LAMA2: variants seen among roughly 807,000 people sequenced by gnomAD.
LAMA2 encodes the protein laminin subunit alpha 2, also known as laminin subunit alpha-2.
A neutral mutation model predicts 364.8 loss-of-function variants in LAMA2; 269 were observed. The observed-to-expected ratio is 0.74, with a 90% CI of 0.67 to 0.82. LAMA2 has a LOEUF of 0.82. LAMA2 is among the 40% of genes least tolerant of loss of function. The pLI, the probability that LAMA2 is intolerant of heterozygous loss-of-function variation, is 0.00. For missense variants in LAMA2, 3,807 were observed against 3,873.2 expected (o/e 0.98, Z 0.45); for synonymous variants, 1,379 against 1,370.6 (o/e 1.01, Z -0.14).
At chr6:129,346,458 T>C (rs989098933) in intron 30 of LAMA2, among the ~76,000 whole-genome samples, 1 of 152,214 alleles carries the variant, frequency 6.6e-6, no homozygotes, top group Non-Finnish European at 1.5e-5. Flanking sequence ...CTATACAGAA[T>C]TATTTCAATC....
At chr6:129,252,823 C>A (rs1393004771) in intron 14 of LAMA2, among the ~76,000 whole-genome samples, 1 of 152,198 alleles carries the variant, frequency 6.6e-6, no homozygotes, top group Non-Finnish European at 1.5e-5. Flanking sequence ...AGAATATGAA[C>A]TTTGGAGCCA....
chr6:129,226,696 G>T (rs1439387853), intron 12 of LAMA2, among the ~76,000 whole-genome samples: 2 of 152,052 alleles, frequency 1.3e-5, no homozygotes, highest in Non-Finnish European at 2.9e-5. Context: ...TCTGCCGAGC[G>T]ATCTGCTGTT....
At chr6:128,929,547 A>G in intron 1 of LAMA2, 7 of 981,142 alleles carry the variant, frequency 7.1e-6, no homozygotes, top group Middle Eastern at 4.2e-4. Context: ...CTGAGCGACA[A>G]TTATCTCCAT....
intron 12 of LAMA2, among the ~76,000 whole-genome samples, chr6:129,240,787 T>C (rs1382807513): frequency 6.6e-6 from 1 of 152,220 alleles, no homozygotes; most frequent in African/African-American, 2.4e-5. Context: ...AAAGTATATA[T>C]TACTAGGTGC....
intron 9 of LAMA2, among the ~76,000 whole-genome samples, chr6:129,174,057 G>T (rs567290049): frequency 6.6e-6 from 1 of 151,980 alleles, no homozygotes; most frequent in South Asian, 2.1e-4. Flanking sequence ...TATGTAATCA[G>T]CTGTCAAAGT....
intron 12 of LAMA2, among the ~76,000 whole-genome samples, chr6:129,210,876 C>G (rs558756959): frequency 2.6e-5 from 4 of 152,016 alleles, no homozygotes; most frequent in Admixed American, 1.3e-4. Context: ...CTACAGTGGT[C>G]GACAGAGTTC....
chr6:129,346,281 G>A (rs1776547970), intron 30 of LAMA2, among the ~76,000 whole-genome samples: 1 of 152,080 alleles, frequency 6.6e-6, no homozygotes, highest in South Asian at 2.1e-4. Context: ...GGCATTTCTT[G>A]CACTTATCTA....
rs997739468 is a variant in LAMA2 at position 128,924,128 on chromosome 6, A to G, written c.112+40771A>G. Among the ~76,000 whole-genome samples the G allele has an allele frequency of 2.0e-5, 3 of 152,254 alleles. 1 individual carries two copies. Among genetic ancestry groups the G allele is most frequent in the East Asian group, 3.9e-4 (2 of 5,182 alleles). ...CTCCTAAATCTATTAAAATCATACT[A>G]TGCTCTCAAAGATTCTAGCTGCTCC... On this transcript the variant is annotated intron_variant, in intron 1 of 64. Coordinates refer to ENST00000421865, the MANE Select transcript of LAMA2 (RefSeq NM_000426.4).
chr6:129,444,497 C>T lies in LAMA2; in HGVS notation c.6275-1170C>T, dbSNP rs908534956. The stretch of plus-strand genomic sequence containing the variant: ...ATAACAAACATTTCTATCCAGATAA[C>T]ATGCATTTCAGGAAGAAAATACTGC... On this transcript the variant is annotated intron_variant, in intron 44 of 64. Coordinates refer to ENST00000421865, the MANE Select transcript of LAMA2 (RefSeq NM_000426.4). Among the ~76,000 whole-genome samples the T allele has an allele frequency of 2.0e-5, 3 of 152,154 alleles. No individual in the cohort carries two copies. The South Asian group carries it at 6.2e-4, about 31-fold the overall frequency.
intron 4 of LAMA2, among the ~76,000 whole-genome samples, chr6:129,103,528 A>C (rs1182055692): frequency 6.6e-6 from 1 of 152,094 alleles, no homozygotes; most frequent in Non-Finnish European, 1.5e-5. Flanking sequence ...TTCAGGTACT[A>C]TTTTGCATTT....
intron 3 of LAMA2, among the ~76,000 whole-genome samples, chr6:129,073,781 A>T (rs1773465285): frequency 6.6e-6 from 1 of 152,218 alleles, no homozygotes; most frequent in Admixed American, 6.5e-5. Flanking sequence ...GGAACATATT[A>T]ATAACAGTTA....
intron 60 of LAMA2, among the ~76,000 whole-genome samples, chr6:129,504,802 C>A (rs1292972511): frequency 6.6e-6 from 1 of 152,208 alleles, no homozygotes; most frequent in Non-Finnish European, 1.5e-5. Flanking sequence ...GGAGCCCAGG[C>A]TCTTTGCTCA....
chr6:129,420,645 C>T (rs1475018041), intron 40 of LAMA2, among the ~76,000 whole-genome samples: 2 of 152,058 alleles, frequency 1.3e-5, no homozygotes, highest in Non-Finnish European at 2.9e-5. Flanking sequence ...ACATCTTTTA[C>T]AGCCAACTCT....
At chr6:129,099,249 CA>C (rs1775376031) in intron 4 of LAMA2, among the ~76,000 whole-genome samples, 1 of 150,426 alleles carries the variant, frequency 6.6e-6, no homozygotes, top group Non-Finnish European at 1.5e-5. Context: ...ATATAATTGT[CA>C]AGAGGATTAA....
chr6:129,371,595 CA>C (rs1778082006), intron 34 of LAMA2, among the ~76,000 whole-genome samples: 1 of 145,330 alleles, frequency 6.9e-6, no homozygotes, highest in South Asian at 2.2e-4. Context: ...GTTAGAGACA[CA>C]AAAAGTATTT....
rs1783598731 is a variant in LAMA2 at position 129,467,416 on chromosome 6, T to C, written c.7300+2127T>C. ...ATCGCCTGTTGGGTACAGTGTTCAC[T>C]GTGTGGGTGATGGGTCCACTAGAAG... On this transcript the variant is annotated intron_variant, in intron 51 of 64. Coordinates refer to ENST00000421865, the MANE Select transcript of LAMA2 (RefSeq NM_000426.4). Among the ~76,000 whole-genome samples the C allele has an allele frequency of 2.6e-5, 4 of 151,880 alleles. No homozygotes were observed. In the South Asian group the frequency reaches 6.2e-4, roughly 24 times the overall value.
At chr6:129,021,683 T>C (rs1180671183) in intron 1 of LAMA2, among the ~76,000 whole-genome samples, 1 of 152,180 alleles carries the variant, frequency 6.6e-6, no homozygotes, top group Admixed American at 6.5e-5. Context: ...AGGAGGAGAC[T>C]GTAAGTGACG....
intron 9 of LAMA2, among the ~76,000 whole-genome samples, chr6:129,172,120 A>C (rs1342660101): frequency 6.6e-6 from 1 of 150,876 alleles, no homozygotes; most frequent in Non-Finnish European, 1.5e-5. Context: ...TTTGGTTTGA[A>C]TGTCCTCCCG....
At chr6:128,979,617 T>C (rs1782744346) in intron 1 of LAMA2, among the ~76,000 whole-genome samples, 1 of 152,232 alleles carries the variant, frequency 6.6e-6, no homozygotes, top group South Asian at 2.1e-4. Flanking sequence ...AAGTGTTCGC[T>C]AACTCACCTC....
Sources: gnomAD v4.1 joint callset for allele counts (sites outside exome capture counted in the v4.1 genomes callset) on GRCh38, gnomAD v4.1.1 for gene constraint, MANE v1.5 for transcripts, NCBI Gene and HGNC (gene_info 2026-07-23, HGNC 2026-07-21) for gene names.